Variants in PCDH9 observed in about 807,000 individuals in gnomAD.
The protein encoded by PCDH9 is protocadherin-9.
PCDH9 carries 24 observed loss-of-function variants against 70.6 expected under a neutral mutation model. That is an observed-to-expected ratio of 0.34 (90% CI 0.25 to 0.48). PCDH9 has a LOEUF of 0.48. Among genes scored for constraint, PCDH9 ranks in the 20% least tolerant of loss-of-function variants. PCDH9 has a pLI of 0.99. For synonymous variants in PCDH9, 562 were observed against 558.5 expected, an observed-to-expected ratio of 1.01 and a Z score of -0.09; for missense variants, 1,281 against 1,503.6, an observed-to-expected ratio of 0.85 and a Z score of 2.45.
chr13:66,430,832 G>T (rs1957759192), intron 4 of PCDH9, among the ~76,000 whole-genome samples: 2 of 152,062 alleles, frequency 1.3e-5, no homozygotes, highest in Non-Finnish European at 2.9e-5. Context: ...GGCACAAAGG[G>T]TCTGTAGTGT....
At chr13:67,101,138 T>G (rs775045551) in intron 2 of PCDH9, among the ~76,000 whole-genome samples, 4 of 152,138 alleles carry the variant, frequency 2.6e-5, no homozygotes, top group Admixed American at 6.5e-5. Context: ...CCATCAGCAA[T>G]GGGGATTTCT....
At chr13:67,132,833 G>A (rs907832345) in intron 2 of PCDH9, among the ~76,000 whole-genome samples, 2 of 151,998 alleles carry the variant, frequency 1.3e-5, no homozygotes, top group Non-Finnish European at 2.9e-5. Context: ...GAATAAAAAT[G>A]TTTCCCTTCC....
chr13:66,891,619 T>A (rs1007265326), intron 3 of PCDH9, among the ~76,000 whole-genome samples: 1 of 152,192 alleles, frequency 6.6e-6, no homozygotes, highest in South Asian at 2.1e-4. Context: ...CTTCCAGGGA[T>A]AAATATGGAA....
At chr13:66,455,217 C>A (rs1958295442) in intron 4 of PCDH9, among the ~76,000 whole-genome samples, 1 of 151,634 alleles carries the variant, frequency 6.6e-6, no homozygotes, top group African/African-American at 2.4e-5. Flanking sequence ...CCTACAGCAT[C>A]ATTCTTGATT....
At chr13:66,378,849 T>C (rs376171592) in intron 4 of PCDH9, among the ~76,000 whole-genome samples, 3 of 152,292 alleles carry the variant, frequency 2.0e-5, no homozygotes, top group Admixed American at 6.5e-5. Context: ...TTTAGACATC[T>C]AGCAAATAAG....
At chr13:66,629,313 C>T (rs977527927) in intron 4 of PCDH9, among the ~76,000 whole-genome samples, 1 of 152,198 alleles carries the variant, frequency 6.6e-6, no homozygotes, top group African/African-American at 2.4e-5. Flanking sequence ...GAGCCAACCA[C>T]TCACATACAC....
chr13:67,007,810 A>G (rs1388117295), intron 2 of PCDH9, among the ~76,000 whole-genome samples: 1 of 152,156 alleles, frequency 6.6e-6, no homozygotes, highest in Non-Finnish European at 1.5e-5. Context: ...ACTTTTCTCC[A>G]GGTGTCTTTC....
intron 3 of PCDH9, among the ~76,000 whole-genome samples, chr13:66,770,465 T>C (rs1328013830): frequency 6.6e-5 from 10 of 152,194 alleles, no homozygotes; most frequent in African/African-American, 9.7e-5. Context: ...AGGGGACAGA[T>C]CTATAAAAAC....
chr13:67,088,342 G>A (rs1288080508), intron 2 of PCDH9, among the ~76,000 whole-genome samples: 2 of 151,882 alleles, frequency 1.3e-5, no homozygotes, highest in Non-Finnish European at 2.9e-5. Flanking sequence ...CTAGACCGCA[G>A]GCCATACATT....
At chr13:67,090,743 A>T (rs2138210225) in intron 2 of PCDH9, among the ~76,000 whole-genome samples, 1 of 152,196 alleles carries the variant, frequency 6.6e-6, no homozygotes, top group African/African-American at 2.4e-5. Context: ...TTCTGAGGGT[A>T]TATTACAACA....
intron 3 of PCDH9, among the ~76,000 whole-genome samples, chr13:66,793,909 A>G (rs2080199297): frequency 2.6e-5 from 4 of 152,156 alleles, no homozygotes; most frequent in Non-Finnish European, 5.9e-5. Context: ...AAGTAAGTAC[A>G]TTTGTTAAAT....
chr13:66,444,723 G>A (rs555405898), intron 4 of PCDH9, among the ~76,000 whole-genome samples: 9 of 151,944 alleles, frequency 5.9e-5, no homozygotes, highest in Non-Finnish European at 1.2e-4. Flanking sequence ...ACCAGGCCTG[G>A]CTAATTTTTG....
At position 66,779,613 on chromosome 13, in the gene PCDH9, G is replaced by T. The variant is rs146457820; in HGVS notation, c.3138+123891C>A. ...GGAGGCAGGCGGATCACAAGGTCAAGAGATTGAGACCATCTTAGCCAACAT... is the reference window on the plus strand; with the variant it reads ...GGAGGCAGGCGGATCACAAGGTCAATAGATTGAGACCATCTTAGCCAACAT... On this transcript the variant is annotated intron_variant, in intron 3 of 4. Coordinates refer to ENST00000377865, the MANE Select transcript of PCDH9 (RefSeq NM_203487.3). Among the ~76,000 whole-genome samples, 1,180 of 152,170 alleles carry T rather than the reference G, an allele frequency of 7.8e-3. 18 individuals are homozygous for T. The highest frequency in any genetic ancestry group is 0.027 in the African/African-American group (1,110 of 41,510).
intron 4 of PCDH9, among the ~76,000 whole-genome samples, chr13:66,314,773 C>T (rs1332413352): frequency 6.6e-6 from 1 of 152,176 alleles, no homozygotes; most frequent in Non-Finnish European, 1.5e-5. Context: ...GTCCTTGACA[C>T]ATGTTACATA....
chr13:67,025,100 T>G lies in PCDH9; in HGVS notation c.3037-121495A>C, dbSNP rs143334105. ...TATAAATTGGGAGCTACACATTCTT[T>G]GTCTCAGTAAAATGTATAATAAATA... On this transcript the variant is annotated intron_variant, in intron 2 of 4. Transcript: ENST00000377865. Among the ~76,000 whole-genome samples, 625 of 152,278 alleles carry G rather than the reference T, an allele frequency of 4.1e-3. 4 individuals are homozygous for G. Among genetic ancestry groups the G allele is most frequent in the African/African-American group, 0.011 (464 of 41,580 alleles).
intron 2 of PCDH9, among the ~76,000 whole-genome samples, chr13:67,126,166 C>T (rs2086976036): frequency 6.6e-6 from 1 of 152,108 alleles, no homozygotes; most frequent in South Asian, 2.1e-4. Flanking sequence ...TCAGACTTTA[C>T]ACTGTGGTAG....
intron 2 of PCDH9, among the ~76,000 whole-genome samples, chr13:67,091,828 G>A (rs1002525416): frequency 4.6e-5 from 7 of 152,102 alleles, no homozygotes; most frequent in African/African-American, 1.7e-4. Flanking sequence ...GTTATTTATA[G>A]TGTCAATCCA....
rs1340722225 is a variant in PCDH9, at chr13:67,227,497, T to A, written c.944A>T (p.Gln315Leu). The change falls in exon 2 of 5, where the codon CAG becomes CTG. Residue 315 changes from glutamine (Q) to leucine (L), a missense_variant. Gln to Leu is a moderately radical substitution (Grantham distance 113). Around this residue, in one of 4 missense-constraint regions of PCDH9, gnomAD observed 798 missense variants for 1,003.1 expected, o/e 0.80. Coordinates refer to ENST00000377865, the MANE Select transcript of PCDH9 (RefSeq NM_203487.3). This position sits in a 1 kb window ranked among gnomAD's most constrained non-coding sequence, Gnocchi z 4.6. ...TGTCTCCTCTCTATCTAAGGACCTC[T>A]GAACTGTAATCAGCCCAGTAGTATT... ...LNNTTGLITV[Q>L]RSLDREETAI... The A allele has an allele frequency of 1.2e-6, 2 of 1,613,896 alleles. No homozygotes were observed.
intron 3 of PCDH9, among the ~76,000 whole-genome samples, chr13:66,823,384 CAT>C (rs2080750142): frequency 1.3e-5 from 2 of 151,336 alleles, no homozygotes; most frequent in Non-Finnish European, 3.0e-5. Flanking sequence ...AGGTAATAAA[CAT>C]GTACTGAACT....
Sources: allele counts gnomAD v4.1 joint callset (sites outside exome capture counted in the v4.1 genomes callset), GRCh38; gene constraint gnomAD v4.1.1; regional missense constraint gnomAD v4.1.1; non-coding constraint Gnocchi (gnomAD v3.1); transcripts MANE v1.5; gene names NCBI Gene and HGNC (gene_info 2026-07-23, HGNC 2026-07-21).